Variants in UGT1A7 observed in about 807,000 individuals in gnomAD.
The protein encoded by UGT1A7 is UDP-glucuronosyltransferase 1A7.
In UGT1A7, 33 loss-of-function variants were observed where a neutral mutation model predicts 45.6. That is an observed-to-expected ratio of 0.72 (90% CI 0.55 to 0.97). The LOEUF (loss-of-function observed/expected upper bound fraction) is 0.97. Ranked by LOEUF, UGT1A7 falls within the 50% of genes least tolerant of loss-of-function variation. The pLI is 0.00. For missense variants in UGT1A7, 684 were observed against 666.2 expected (o/e 1.03, Z -0.29); for synonymous variants, 274 against 250.6 (o/e 1.09, Z -0.88).
Position 233,715,888 on chromosome 2 carries a change from C to T in UGT1A7, c.855+33096C>T, listed in dbSNP as rs1156732066. 2.6e-5 allele frequency among the ~76,000 whole-genome samples: 4 copies of T among 152,168 alleles called. No homozygotes were observed. In the East Asian group the frequency reaches 7.7e-4, roughly 29 times the overall value. On this transcript the variant is annotated intron_variant, in intron 1 of 4. Coordinates refer to ENST00000373426, the MANE Select transcript of UGT1A7 (RefSeq NM_019077.3). Reference sequence around the variant, plus strand: ...TAGCTTGTGCCTGTGGCCCCAGCTACTTGGGAGGCTCAGGTGGGAGGATCA... The same window carrying T: ...TAGCTTGTGCCTGTGGCCCCAGCTATTTGGGAGGCTCAGGTGGGAGGATCA...
chr2:233,718,866 C>G (rs2125663221), intron 1 of UGT1A7: 8 of 1,613,892 alleles, frequency 5.0e-6, no homozygotes, highest in South Asian at 1.1e-5. Context: ...GGCCACAGGA[C>G]TGCTGCTCCT....
chr2:233,716,061 G>C (rs2076485433), intron 1 of UGT1A7, among the ~76,000 whole-genome samples: 1 of 152,170 alleles, frequency 6.6e-6, no homozygotes, highest in Admixed American at 6.5e-5. Context: ...ATTCTTAGTT[G>C]TATTCTTTCC....
chr2:233,760,224 G>A, intron 1 of UGT1A7: 1 of 1,586,310 alleles, frequency 6.3e-7, no homozygotes. Flanking sequence ...TGTATCGATT[G>A]GTTTTTGCCA....
At chr2:233,757,247 G>C (rs1244146616) in intron 1 of UGT1A7, among the ~76,000 whole-genome samples, 2 of 143,632 alleles carry the variant, frequency 1.4e-5, no homozygotes. Flanking sequence ...GGTGAGGTGG[G>C]GTTATTCAGG....
chr2:233,724,238 G>A (rs2077193848), intron 1 of UGT1A7, among the ~76,000 whole-genome samples: 1 of 129,762 alleles, frequency 7.7e-6, no homozygotes, highest in African/African-American at 3.0e-5. Context: ...GGGGCGGCCG[G>A]GCAGAGGCGC....
At chr2:233,718,891 C>G (rs1334385335) in intron 1 of UGT1A7, 1 of 1,613,878 alleles carries the variant, frequency 6.2e-7, no homozygotes, top group African/African-American at 1.3e-5. Context: ...AGTGTCCAGC[C>G]CTGGGCTGAG....
intron 1 of UGT1A7, among the ~76,000 whole-genome samples, chr2:233,746,060 G>A (rs1011902873): frequency 4.0e-5 from 6 of 151,770 alleles, no homozygotes; most frequent in Admixed American, 3.9e-4. Flanking sequence ...GGTCTAGAAC[G>A]AAAAGAGAAG....
chr2:233,713,405 C>G (rs2076318550), intron 1 of UGT1A7: 2 of 1,614,030 alleles, frequency 1.2e-6, no homozygotes, highest in South Asian at 1.1e-5. Context: ...AGGCCCTGAT[C>G]AGGCACCTGC....
In UGT1A7 at chr2:233,769,736, T is replaced by C. The variant is rs1415322181; in HGVS notation, c.1295+1297T>C. 6.9e-6 allele frequency: 10 copies of C among 1,453,324 alleles called. No individual in the cohort carries two copies. Among genetic ancestry groups the C allele is most frequent in the Non-Finnish European group, 9.1e-6 (10 of 1,101,886 alleles). The allele number at this position is 1,453,324 out of a possible 1,614,324, so 90.0% of individuals were successfully genotyped here. A position where few individuals can be genotyped will look rare whatever the true frequency, so the allele number is the denominator to read the frequency against. The stretch of plus-strand genomic sequence containing the variant: ...TAGGCACCATGGCACACGCCTGTAG[T>C]CCCAGCCACTCTGGAGGCTAAGGCG... On this transcript the variant is annotated intron_variant, in intron 4 of 4. Coordinates refer to ENST00000373426, the MANE Select transcript of UGT1A7 (RefSeq NM_019077.3). The surrounding 1 kb of genome is among the most constrained non-coding windows in gnomAD (Gnocchi z 4.4).
intron 2 of UGT1A7, 51 bp from the exon 3 acceptor site, chr2:233,767,798 C>G (rs1319499928): frequency 6.2e-7 from 1 of 1,614,062 alleles, no homozygotes; most frequent in Admixed American, 1.7e-5. Context: ...GATTTGTTTT[C>G]TAATCATATT....
intron 1 of UGT1A7, among the ~76,000 whole-genome samples, chr2:233,727,901 A>G (rs2077664960): frequency 6.6e-6 from 1 of 152,194 alleles, no homozygotes; most frequent in Non-Finnish European, 1.5e-5. Context: ...CGGCCAGGCA[A>G]GAAGACACAG....
At chr2:233,750,498 C>T (rs1361187436) in intron 1 of UGT1A7, 1 of 151,938 alleles carries the variant, frequency 6.6e-6, no homozygotes, top group Non-Finnish European at 1.5e-5. Flanking sequence ...TAAGGAGGAG[C>T]CAAATGTTAA....
At position 233,743,978 on chromosome 2, in the gene UGT1A7, C is replaced by T. The variant is rs900800021; in HGVS notation, c.856-23056C>T. On this transcript the variant is annotated intron_variant, in intron 1 of 4. Transcript: ENST00000373426. ...AGCGAGCGGCAAGGCTGCCAGCACC[C>T]AGGCGCAGGCCCGAGTGCTCGGAGA... The T allele has an allele frequency of 2.3e-6, 3 of 1,306,202 alleles. No individual in the cohort carries two copies. The African/African-American group carries it at 4.6e-5, about 20-fold the overall frequency. 80.9% of individuals were successfully genotyped at this position (1,306,202 alleles called of 1,614,324 possible). A position where few individuals can be genotyped will look rare whatever the true frequency, so the allele number is the denominator to read the frequency against.
intron 1 of UGT1A7, among the ~76,000 whole-genome samples, chr2:233,737,121 G>T (rs11684169): frequency 0.034 from 5,131 of 152,320 alleles, 100 homozygotes; most frequent in African/African-American, 0.051. Context: ...ATGTTCAGAA[G>T]TTGTCTGCTG....
At chr2:233,757,062 G>T (rs1469367274) in intron 1 of UGT1A7, among the ~76,000 whole-genome samples, 1 of 151,518 alleles carries the variant, frequency 6.6e-6, no homozygotes, top group African/African-American at 2.4e-5. Flanking sequence ...GAACAGCAAG[G>T]GATCCAGAAT....
chr2:233,735,710 G>A (rs2078686166), intron 1 of UGT1A7, among the ~76,000 whole-genome samples: 1 of 152,114 alleles, frequency 6.6e-6, no homozygotes, highest in Non-Finnish European at 1.5e-5. Context: ...GCCTGGTGGT[G>A]ACAAAATCTC....
rs78297396 is a variant in UGT1A7, at chr2:233,715,433, T to C, written c.855+32641T>C. 9.7e-3 allele frequency among the ~76,000 whole-genome samples: 1,478 copies of C among 152,296 alleles called. 34 individuals carry two copies. Among genetic ancestry groups the C allele is most frequent in the African/African-American group, 0.033 (1,382 of 41,550 alleles). The stretch of plus-strand genomic sequence containing the variant: ...AATACATTTTATCTGATATCAGTAA[T>C]GTGACTCCTATGTTATTTTTTGAAT... On this transcript the variant is annotated intron_variant, in intron 1 of 4. Coordinates refer to ENST00000373426, the MANE Select transcript of UGT1A7 (RefSeq NM_019077.3).
intron 1 of UGT1A7, chr2:233,713,045 T>A: frequency 6.2e-7 from 1 of 1,614,044 alleles, no homozygotes; most frequent in East Asian, 2.2e-5. Context: ...GACTGCTGCT[T>A]CTCCTCAGTG....
chr2:233,772,783 CAGGATGACATGTGCCATTTTTCAG>C lies in UGT1A7; in HGVS notation c.*229_*252del. 7.8e-7 allele frequency: 1 copy of C among 1,277,504 alleles called. No homozygotes were observed. The highest frequency in any genetic ancestry group is 1.0e-6 in the Non-Finnish European group (1 of 966,400). 79.1% of individuals were successfully genotyped at this position (1,277,504 alleles called of 1,614,324 possible). On this transcript the variant is annotated 3_prime_UTR_variant, in exon 5 of 5. Transcript: ENST00000373426. ...TCGTGCCCCCTCTGGTGTCTTTGAT[CAGGATGACATGTGCCATTTTTCAG>C]AGGACGTGCAGACAGGCTGGCATTC... is the stretch of plus-strand genomic sequence containing the variant.
Sources: allele counts gnomAD v4.1 joint callset (sites outside exome capture counted in the v4.1 genomes callset), GRCh38; gene constraint gnomAD v4.1.1; non-coding constraint Gnocchi (gnomAD v3.1); transcripts MANE v1.5; gene names NCBI Gene and HGNC (gene_info 2026-07-23, HGNC 2026-07-21).